CD82: variants seen among roughly 807,000 people sequenced by gnomAD.
CD82 encodes the protein CD82 molecule.
In CD82, 36 loss-of-function variants were observed where a neutral mutation model predicts 37.4. The ratio of observed to expected loss-of-function variants is 0.96; its 90% CI spans 0.74 to 1.27. The LOEUF is 1.27. Among genes scored for constraint, CD82 ranks in the 50% most tolerant of loss-of-function variants. CD82 has a pLI of 0.00. For synonymous variants in CD82, 158 were observed against 137.4 expected (o/e 1.15, Z -1.05); for missense variants, 340 against 347.0 (o/e 0.98, Z 0.16).
At chr11:44,586,531 C>T (rs1186116138) in intron 1 of CD82, among the ~76,000 whole-genome samples, 1 of 152,202 alleles carries the variant, frequency 6.6e-6, no homozygotes, top group East Asian at 1.9e-4. Context: ...TGGCGTGTAC[C>T]TGTGGTCCCA....
chr11:44,584,128 G>A (rs555596728), intron 1 of CD82, among the ~76,000 whole-genome samples: 1 of 152,206 alleles, frequency 6.6e-6, no homozygotes, highest in East Asian at 1.9e-4. Context: ...CTCCTTCCAT[G>A]TCATTTTCTG....
intron 2 of CD82, among the ~76,000 whole-genome samples, chr11:44,591,229 G>A (rs150553441): frequency 6.8e-4 from 104 of 152,296 alleles, no homozygotes; most frequent in African/African-American, 2.4e-3. Context: ...CCCATGGGTG[G>A]TGTAAGGGGC....
chr11:44,617,560 G>GA (rs35015542), intron 7 of CD82, among the ~76,000 whole-genome samples: 1,762 of 88,582 alleles, frequency 0.02, 58 homozygotes, highest in African/African-American at 0.073. Context: ...CTCTGTCTCA[G>GA]AAAAAAAAAA....
chr11:44,611,326 C>T (rs1853477797), intron 6 of CD82, among the ~76,000 whole-genome samples: 1 of 152,222 alleles, frequency 6.6e-6, no homozygotes, highest in Non-Finnish European at 1.5e-5. Flanking sequence ...TCAGCCCTAC[C>T]CTCCTCTGTT....
At chr11:44,600,831 G>A (rs1853297870) in intron 4 of CD82, among the ~76,000 whole-genome samples, 1 of 152,228 alleles carries the variant, frequency 6.6e-6, no homozygotes, top group Non-Finnish European at 1.5e-5. Flanking sequence ...CACCAATGAA[G>A]AAACAGAGGC....
In CD82 at chr11:44,597,047, A is replaced by G. The variant is rs1012825574; in HGVS notation, c.63+2322A>G. 1.1e-5 allele frequency: 5 copies of G among 455,502 alleles called. No individual in the cohort carries two copies. The highest frequency in any genetic ancestry group is 2.2e-5 in the Non-Finnish European group (5 of 226,916). The allele number at this position is 455,502 out of a possible 1,614,324, so 28.2% of individuals were successfully genotyped here. A position where few individuals can be genotyped will look rare whatever the true frequency, so the allele number is the denominator to read the frequency against. Reference sequence around the variant, plus strand: ...GGCAGCAGGGGCAGCCGGTGGAGGCAGAGTGCACCTCCCCAGGCATAGACC... The same window carrying G: ...GGCAGCAGGGGCAGCCGGTGGAGGCGGAGTGCACCTCCCCAGGCATAGACC... On this transcript the variant is annotated intron_variant, in intron 3 of 9. Coordinates refer to ENST00000227155, the MANE Select transcript of CD82 (RefSeq NM_002231.4). The surrounding 1 kb of genome is among the most constrained non-coding windows in gnomAD (Gnocchi z 4.1).
intron 1 of CD82, among the ~76,000 whole-genome samples, chr11:44,575,753 C>T (rs1565080299): frequency 6.6e-6 from 1 of 152,148 alleles, no homozygotes; most frequent in Non-Finnish European, 1.5e-5. Flanking sequence ...CCCTCCTACC[C>T]CCACCTCACC....
chr11:44,572,969 CAGG>C, intron 1 of CD82: 1 of 152,350 alleles, frequency 6.6e-6, no homozygotes, highest in Non-Finnish European at 1.5e-5. Context: ...GACCAGGTAG[CAGG>C]AGCAGAGAAC....
At chr11:44,611,232 G>T (rs1167863350) in intron 6 of CD82, among the ~76,000 whole-genome samples, 1 of 152,206 alleles carries the variant, frequency 6.6e-6, no homozygotes. Context: ...TTTATGGCAT[G>T]TGACAGTGAC....
At chr11:44,580,891 G>C (rs7947592) in intron 1 of CD82, among the ~76,000 whole-genome samples, 150,670 of 152,318 alleles carry the variant, frequency 0.99, 74,545 homozygotes, top group East Asian at 1. Context: ...GCAGCCCTGT[G>C]TCTACCTTCC....
intron 3 of CD82, among the ~76,000 whole-genome samples, chr11:44,599,838 T>A (rs1332431258): frequency 6.6e-6 from 1 of 152,074 alleles, no homozygotes; most frequent in African/African-American, 2.4e-5. Flanking sequence ...GTCGGGGGGA[T>A]GAGCTGAGAA....
chr11:44,568,360 T>G (rs1056439483), intron 1 of CD82, among the ~76,000 whole-genome samples: 3 of 152,144 alleles, frequency 2.0e-5, no homozygotes, highest in Non-Finnish European at 4.4e-5. Context: ...CTCCTCCCTA[T>G]CCTGTCTGGT....
At chr11:44,618,920 G>A in intron 9 of CD82, 129 bp from the exon 10 acceptor site, 1 of 894,994 alleles carries the variant, frequency 1.1e-6, no homozygotes, top group South Asian at 1.4e-5. Context: ...TCTGCTGCCT[G>A]CATCACAGGG....
chr11:44,617,508 A>G (rs543953771), intron 7 of CD82, among the ~76,000 whole-genome samples: 283 of 147,914 alleles, frequency 1.9e-3, no homozygotes, highest in African/African-American at 6.9e-3. Context: ...GCAGTGAGCC[A>G]AGATCACGCT....
At chr11:44,609,379 G>A (rs1853447478) in intron 6 of CD82, among the ~76,000 whole-genome samples, 4 of 152,112 alleles carry the variant, frequency 2.6e-5, no homozygotes, top group Admixed American at 1.3e-4. Flanking sequence ...TGAGCTGGGT[G>A]CACTTGGCAG....
intron 7 of CD82, among the ~76,000 whole-genome samples, chr11:44,615,989 T>A (rs1192583402): frequency 6.6e-6 from 1 of 152,074 alleles, no homozygotes; most frequent in Non-Finnish European, 1.5e-5. Flanking sequence ...TCCCAGCCTG[T>A]CTCAATAGTG....
rs911741246 is a variant in CD82 at position 44,597,233 on chromosome 11, G to A, written c.63+2508G>A. Among the ~76,000 whole-genome samples the A allele has an allele frequency of 6.6e-6, 1 of 152,212 alleles. No individual in the cohort carries two copies. The highest frequency in any genetic ancestry group is 1.5e-5 in the Non-Finnish European group (1 of 68,040). On this transcript the variant is annotated intron_variant, in intron 3 of 9. Coordinates refer to ENST00000227155, the MANE Select transcript of CD82 (RefSeq NM_002231.4). The surrounding 1 kb of genome is among the most constrained non-coding windows in gnomAD (Gnocchi z 4.1). ...CCCTCTGGACTCCAGACTCCCCAGC[G>A]CATTGCCACTTTTCTCAGGTCCAAA...
intron 2 of CD82, among the ~76,000 whole-genome samples, chr11:44,589,994 T>C (rs6485548): frequency 0.77 from 116,554 of 151,848 alleles, 44,880 homozygotes; most frequent in East Asian, 0.92. Flanking sequence ...CCACCACGCC[T>C]GGCTAATTTT....
intron 3 of CD82, among the ~76,000 whole-genome samples, chr11:44,595,682 G>A (rs184187875): frequency 2.6e-5 from 4 of 151,972 alleles, no homozygotes; most frequent in Admixed American, 1.3e-4. Context: ...AATTTTCTAC[G>A]GTAGATATTA....
Sources: gnomAD v4.1 joint callset for allele counts (sites outside exome capture counted in the v4.1 genomes callset) on GRCh38, gnomAD v4.1.1 for gene constraint, Gnocchi (gnomAD v3.1) non-coding constraint, MANE v1.5 for transcripts, NCBI Gene and HGNC (gene_info 2026-07-23, HGNC 2026-07-21) for gene names.